The following SRGAP2B variants were observed in gnomAD, a reference collection of about 807,000 sequenced individuals.
SRGAP2B encodes the protein SLIT-ROBO Rho GTPase activating protein 2B.
Under a neutral mutation model 22.2 loss-of-function variants are expected in SRGAP2B, and 9 were observed. The observed-to-expected ratio is 0.41, with a 90% CI of 0.24 to 0.71. SRGAP2B has a LOEUF of 0.71. Among genes scored for constraint, SRGAP2B ranks in the 30% least tolerant of loss-of-function variants. The pLI is 0.35. For missense variants in SRGAP2B, 114 were observed against 235.8 expected, an observed-to-expected ratio of 0.48 and a Z score of 3.38; for synonymous variants, 36 against 87.4, an observed-to-expected ratio of 0.41 and a Z score of 3.28.
In SRGAP2B at chr1:145,010,724, A is replaced by T. The variant is rs1168194398; in HGVS notation, c.68-15524T>A. Among the ~76,000 whole-genome samples, 31 of 150,758 alleles carry T rather than the reference A, an allele frequency of 2.1e-4. 4 individuals carry two copies. Among genetic ancestry groups the T allele is most frequent in the African/African-American group, 7.0e-4 (28 of 40,258 alleles). On this transcript the variant is annotated intron_variant, in intron 2 of 9. Coordinates refer to ENST00000612199, the Ensembl canonical transcript of SRGAP2B. The stretch of plus-strand genomic sequence containing the variant: ...CCACCCTTCTGTTTATGTGTACCAA[A>T]TGTTAACACTGGAAGAGAAAGTCCA...
intron 4 of SRGAP2B, among the ~76,000 whole-genome samples, chr1:144,922,482 A>AG (rs1432016678): frequency 1.4e-5 from 2 of 145,986 alleles, no homozygotes; most frequent in Admixed American, 1.4e-4. Context: ...AGTAAGAACT[A>AG]AATGACTCTG....
At chr1:144,999,877 T>C (rs1671005584) in intron 2 of SRGAP2B, among the ~76,000 whole-genome samples, 1 of 145,304 alleles carries the variant, frequency 6.9e-6, no homozygotes, top group Non-Finnish European at 1.5e-5. Context: ...TGATGATTGT[T>C]GCTCAACCTT....
chr1:144,997,385 C>G (rs1390538367), intron 2 of SRGAP2B, among the ~76,000 whole-genome samples: 6 of 150,604 alleles, frequency 4.0e-5, no homozygotes, highest in Admixed American at 4.0e-4. Flanking sequence ...GAGCAGAGAT[C>G]GCACCACTGC....
intron 4 of SRGAP2B, among the ~76,000 whole-genome samples, chr1:144,940,383 G>A (rs2101872604): frequency 6.9e-6 from 1 of 145,360 alleles, no homozygotes; most frequent in South Asian, 2.2e-4. Flanking sequence ...TTAAATGGAA[G>A]TAGGGTATTT....
intron 4 of SRGAP2B, among the ~76,000 whole-genome samples, chr1:144,928,366 A>T (rs587756838): frequency 6.8e-6 from 1 of 146,016 alleles, no homozygotes; most frequent in African/African-American, 2.6e-5. Flanking sequence ...TTGTTCCATA[A>T]ATCACTTCAT....
exon 10 of SRGAP2B, chr1:144,888,812 G>GT (rs1301475990): frequency 1.1e-5 from 1 of 94,036 alleles, no homozygotes; most frequent in Non-Finnish European, 2.0e-5. Context: ...ATTTTTTCGT[G>GT]TTTTTAGTAG....
At chr1:145,066,711 C>T (rs11249418) in intron 2 of SRGAP2B, among the ~76,000 whole-genome samples, 11 of 151,400 alleles carry the variant, frequency 7.3e-5, no homozygotes, top group African/African-American at 2.5e-4. Flanking sequence ...AGACGCTGAA[C>T]GCAGCCGCCT....
At chr1:144,938,409 GC>G (rs1269101778) in intron 4 of SRGAP2B, among the ~76,000 whole-genome samples, 1 of 73,100 alleles carries the variant, frequency 1.4e-5, no homozygotes. Context: ...TCTTCCTCTT[GC>G]CTACTCTGTA....
At chr1:145,039,279 C>T (rs1553627116) in intron 2 of SRGAP2B, among the ~76,000 whole-genome samples, 1 of 39,148 alleles carries the variant, frequency 2.6e-5, no homozygotes, top group Non-Finnish European at 5.2e-5. Context: ...AGTTTGAGAT[C>T]AGCCTGGGGA....
At chr1:144,925,752 AAAGAAAGAAAGAAAG>A (rs1664660178) in intron 4 of SRGAP2B, among the ~76,000 whole-genome samples, 1 of 141,452 alleles carries the variant, frequency 7.1e-6, no homozygotes, top group Non-Finnish European at 1.5e-5. Flanking sequence ...AGAAAGAAAG[AAAGAAAGAAAGAAAG>A]AAAGAAAGAA....
At chr1:145,066,700 C>A (rs1344094085) in intron 2 of SRGAP2B, among the ~76,000 whole-genome samples, 9 of 151,924 alleles carry the variant, frequency 5.9e-5, no homozygotes, top group African/African-American at 2.2e-4. Context: ...CCCGGGAGCA[C>A]AGACGCTGAA....
chr1:145,075,804 G>A (rs1652441267), intron 2 of SRGAP2B, among the ~76,000 whole-genome samples: 1 of 148,570 alleles, frequency 6.7e-6, no homozygotes, highest in South Asian at 2.1e-4. Context: ...GAACTACTCT[G>A]AGGCCGGGCA....
chr1:144,914,302 GAACAATAAA>G, intron 5 of SRGAP2B, among the ~76,000 whole-genome samples: 1 of 151,474 alleles, frequency 6.6e-6, no homozygotes, highest in South Asian at 2.1e-4. Flanking sequence ...GAAAAACCTA[GAACAATAAA>G]GCCTTTCCGA....
exon 10 of SRGAP2B, chr1:144,891,640 T>C (rs1270340152): frequency 9.4e-6 from 1 of 106,262 alleles, no homozygotes; most frequent in Non-Finnish European, 1.9e-5. Flanking sequence ...TAGAGATACA[T>C]GAATAAGAAA....
chr1:144,926,940 A>T (rs1282144502), intron 4 of SRGAP2B, among the ~76,000 whole-genome samples: 4 of 151,264 alleles, frequency 2.6e-5, no homozygotes, highest in Non-Finnish European at 5.9e-5. Context: ...ACTTAGATCT[A>T]TATTTTTTTT....
At chr1:145,085,212 G>A (rs1356300306) in intron 2 of SRGAP2B, among the ~76,000 whole-genome samples, 120 of 149,954 alleles carry the variant, frequency 8.0e-4, no homozygotes, top group African/African-American at 2.8e-3. Flanking sequence ...AAAGTGCTGG[G>A]ATTACAGATG....
At chr1:145,041,072 ATAG>A (rs1383780662) in intron 2 of SRGAP2B, among the ~76,000 whole-genome samples, 552 of 84,260 alleles carry the variant, frequency 6.6e-3, no homozygotes, top group African/African-American at 0.022. Context: ...ATGTATATAT[ATAG>A]TATATATATA....
intron 2 of SRGAP2B, among the ~76,000 whole-genome samples, chr1:145,011,982 C>T (rs1672087316): frequency 6.6e-6 from 1 of 151,092 alleles, no homozygotes; most frequent in African/African-American, 2.5e-5. Context: ...ACCTCAGGGC[C>T]TTTGCATATG....
chr1:145,017,576 A>G (rs1376692742), intron 2 of SRGAP2B, among the ~76,000 whole-genome samples: 1 of 147,842 alleles, frequency 6.8e-6, no homozygotes, highest in African/African-American at 2.6e-5. Flanking sequence ...CATAAACTGG[A>G]GCATTTTACA....
Sources: allele counts gnomAD v4.1 joint callset (sites outside exome capture counted in the v4.1 genomes callset), GRCh38; gene constraint gnomAD v4.1.1; transcripts MANE v1.5; gene names NCBI Gene and HGNC (gene_info 2026-07-23, HGNC 2026-07-21).